THSD7B: variants seen among roughly 807,000 people sequenced by gnomAD.
THSD7B encodes thrombospondin type-1 domain-containing protein 7B.
In THSD7B, 138 loss-of-function variants were observed where a neutral mutation model predicts 213.6. The observed-to-expected ratio is 0.65, with a 90% CI of 0.56 to 0.74. THSD7B has a LOEUF of 0.74. Among genes scored for constraint, THSD7B ranks in the 30% least tolerant of loss-of-function variants. THSD7B has a pLI of 0.00. For missense variants in THSD7B, 1,931 were observed against 1,991.5 expected (o/e 0.97, Z 0.58); for synonymous variants, 742 against 687.0 (o/e 1.08, Z -1.25).
intron 2 of THSD7B, among the ~76,000 whole-genome samples, chr2:136,894,950 T>A (rs1409597317): frequency 2.0e-5 from 3 of 152,226 alleles, no homozygotes; most frequent in African/African-American, 7.2e-5. Context: ...TCTGGGATTC[T>A]ATCCAAAGCA....
At chr2:137,234,490 A>G (rs1476981094) in intron 9 of THSD7B, among the ~76,000 whole-genome samples, 3 of 152,058 alleles carry the variant, frequency 2.0e-5, no homozygotes, top group Admixed American at 1.3e-4. Flanking sequence ...CTTGTGTTAG[A>G]GCATTTGATG....
chr2:136,766,639 C>T (rs1247005403), intron 1 of THSD7B, among the ~76,000 whole-genome samples: 3 of 152,164 alleles, frequency 2.0e-5, no homozygotes, highest in Non-Finnish European at 4.4e-5. Flanking sequence ...AAAAAACTTT[C>T]GTTGGCGAAG....
chr2:136,959,982 G>T (rs113137041), intron 2 of THSD7B, among the ~76,000 whole-genome samples: 77 of 152,254 alleles, frequency 5.1e-4, no homozygotes, highest in Middle Eastern at 3.4e-3. Context: ...GAGCTGAATC[G>T]CTAACCATTT....
chr2:137,192,523 A>G (rs899704820), intron 7 of THSD7B, among the ~76,000 whole-genome samples: 3 of 152,208 alleles, frequency 2.0e-5, no homozygotes, highest in African/African-American at 7.2e-5. Flanking sequence ...AAATTGAGGG[A>G]AAATTCTAAG....
At chr2:136,813,234 C>A (rs1026607781) in intron 1 of THSD7B, among the ~76,000 whole-genome samples, 1 of 152,060 alleles carries the variant, frequency 6.6e-6, no homozygotes, top group Admixed American at 6.6e-5. Flanking sequence ...AAAATATTGA[C>A]CTATGTGTCA....
rs538496277 is a variant in THSD7B, at chr2:137,340,249, T to A, written c.2500+64223T>A. 9.5e-4 allele frequency among the ~76,000 whole-genome samples: 145 copies of A among 151,970 alleles called. 1 individual carries two copies. The highest frequency in any genetic ancestry group is 1.9e-3 in the South Asian group (9 of 4,826). On this transcript the variant is annotated intron_variant, in intron 12 of 27. Transcript: ENST00000409968. Reference sequence around the variant, plus strand: ...TTCAGACTTCTCTTAAAAAACTAAGTTTCAGATGAAATATATCTTAAAACT... The same window carrying A: ...TTCAGACTTCTCTTAAAAAACTAAGATTCAGATGAAATATATCTTAAAACT...
At chr2:137,413,373 A>G (rs890146430) in intron 14 of THSD7B, among the ~76,000 whole-genome samples, 2 of 152,204 alleles carry the variant, frequency 1.3e-5, no homozygotes, top group Non-Finnish European at 2.9e-5. Flanking sequence ...GTGTACAGTT[A>G]AGGAGAAGTC....
chr2:136,907,959 T>A (rs1480533655), intron 2 of THSD7B, among the ~76,000 whole-genome samples: 1 of 152,228 alleles, frequency 6.6e-6, no homozygotes, highest in African/African-American at 2.4e-5. Context: ...CTATAATAGA[T>A]GAAAAAACAT....
intron 10 of THSD7B, among the ~76,000 whole-genome samples, chr2:137,245,640 C>T (rs75867286): frequency 0.012 from 1,853 of 152,274 alleles, 53 homozygotes; most frequent in East Asian, 0.074. Context: ...GATTTTAAGT[C>T]CATGAATATA....
At chr2:137,581,391 C>T (rs963887894) in intron 17 of THSD7B, among the ~76,000 whole-genome samples, 1 of 152,032 alleles carries the variant, frequency 6.6e-6, no homozygotes, top group Non-Finnish European at 1.5e-5. Context: ...AGCTTGAGAC[C>T]AGCCTTCCCA....
chr2:137,630,294 C>A (rs1278259738), intron 20 of THSD7B, among the ~76,000 whole-genome samples: 1 of 152,172 alleles, frequency 6.6e-6, no homozygotes, highest in Non-Finnish European at 1.5e-5. Flanking sequence ...CCACCCAGCC[C>A]CAATCTCAAA....
At chr2:137,589,089 C>T (rs1326009138) in intron 17 of THSD7B, among the ~76,000 whole-genome samples, 2 of 152,042 alleles carry the variant, frequency 1.3e-5, no homozygotes, top group African/African-American at 4.8e-5. Flanking sequence ...CACATGTTGT[C>T]CTTTTAAAAT....
Position 137,410,001 on chromosome 2 carries a change from T to A in THSD7B, c.2696-1608T>A, listed in dbSNP as rs563495630. 2.2e-4 allele frequency among the ~76,000 whole-genome samples: 34 copies of A among 152,180 alleles called. 1 individual carries two copies. The highest frequency in any genetic ancestry group is 2.0e-3 in the Admixed American group (30 of 15,284). On this transcript the variant is annotated intron_variant, in intron 13 of 27. Coordinates refer to ENST00000409968, the MANE Select transcript of THSD7B (RefSeq NM_001316349.2). ...GGGTTAAGTGGGTTTAGAAGAGAAA[T>A]GAAACTGAAGAGATGAAGACTGAGA...
At chr2:136,981,499 GTTTAA>G (rs1286089393) in intron 2 of THSD7B, among the ~76,000 whole-genome samples, 2 of 152,024 alleles carry the variant, frequency 1.3e-5, no homozygotes, top group Non-Finnish European at 2.9e-5. Context: ...TCATTTTTTA[GTTTAA>G]TTCTATTCTA....
At chr2:137,549,477 G>A (rs181240138) in intron 15 of THSD7B, among the ~76,000 whole-genome samples, 1 of 151,870 alleles carries the variant, frequency 6.6e-6, no homozygotes, top group African/African-American at 2.4e-5. Context: ...GCAGTGATAG[G>A]TTTCCATGGT....
intron 2 of THSD7B, among the ~76,000 whole-genome samples, chr2:136,951,393 G>A (rs1470246979): frequency 6.6e-6 from 1 of 152,094 alleles, no homozygotes; most frequent in Non-Finnish European, 1.5e-5. Flanking sequence ...TAATTTGAAT[G>A]TAGCAAACTC....
chr2:137,220,009 C>G (rs1470340578), intron 7 of THSD7B, among the ~76,000 whole-genome samples: 1 of 152,244 alleles, frequency 6.6e-6, no homozygotes, highest in East Asian at 1.9e-4. Flanking sequence ...CTAGGACACA[C>G]TGGTTGGAGA....
intron 2 of THSD7B, among the ~76,000 whole-genome samples, chr2:137,000,424 A>G (rs1277332108): frequency 2.0e-5 from 3 of 152,178 alleles, no homozygotes; most frequent in Admixed American, 6.5e-5. Flanking sequence ...TTTAATATGC[A>G]TCATAATTGT....
chr2:137,569,467 G>T (rs957995801), intron 16 of THSD7B, among the ~76,000 whole-genome samples: 6 of 152,262 alleles, frequency 3.9e-5, no homozygotes, highest in African/African-American at 1.2e-4. Flanking sequence ...TCACCGGCAG[G>T]GGGAGGGGAT....
Sources: allele counts gnomAD v4.1 joint callset (sites outside exome capture counted in the v4.1 genomes callset), GRCh38; gene constraint gnomAD v4.1.1; transcripts MANE v1.5; gene names NCBI Gene and HGNC (gene_info 2026-07-23, HGNC 2026-07-21).